Variants in SDCCAG8 observed in about 807,000 individuals in gnomAD.
The protein encoded by SDCCAG8 is serologically defined colon cancer antigen 8.
In SDCCAG8, 74 loss-of-function variants were observed where a neutral mutation model predicts 101.8. The observed-to-expected ratio is 0.73, with a 90% CI of 0.60 to 0.88. The LOEUF is 0.88. Among genes scored for constraint, SDCCAG8 ranks in the 40% least tolerant of loss-of-function variants. The pLI, the probability that SDCCAG8 is intolerant of heterozygous loss-of-function variation, is 0.00. For synonymous variants in SDCCAG8, 281 were observed against 292.9 expected (o/e 0.96, Z 0.41); for missense variants, 787 against 822.6 (o/e 0.96, Z 0.53).
intron 9 of SDCCAG8, among the ~76,000 whole-genome samples, chr1:243,322,946 C>T (rs540993473): frequency 1.3e-4 from 20 of 151,858 alleles, no homozygotes; most frequent in Non-Finnish European, 2.4e-4. Flanking sequence ...ACCATCCTGG[C>T]CAATGTGGTG....
chr1:243,350,214 T>C (rs1288544430), intron 12 of SDCCAG8, among the ~76,000 whole-genome samples: 1 of 151,972 alleles, frequency 6.6e-6, no homozygotes, highest in African/African-American at 2.4e-5. Context: ...CTTTTTTCTT[T>C]CTTTTTTTTT....
chr1:243,394,016 A>G (rs1228967414), intron 13 of SDCCAG8, among the ~76,000 whole-genome samples: 3 of 152,198 alleles, frequency 2.0e-5, no homozygotes, highest in Non-Finnish European at 2.9e-5. Context: ...GAGAAAACTG[A>G]CCTGTTAAAA....
intron 9 of SDCCAG8, among the ~76,000 whole-genome samples, chr1:243,328,508 C>T (rs868276281): frequency 6.6e-6 from 1 of 151,772 alleles, no homozygotes; most frequent in Non-Finnish European, 1.5e-5. Context: ...ACCTCCTGAC[C>T]TCAAGCAATC....
chr1:243,288,964 G>A lies in SDCCAG8; in HGVS notation c.546+2567G>A, dbSNP rs369000688. 7.6e-4 allele frequency among the ~76,000 whole-genome samples: 113 copies of A among 149,092 alleles called. 1 individual carries two copies. The South Asian group carries it at 0.019, about 25-fold the overall frequency. On this transcript the variant is annotated intron_variant, in intron 5 of 17. Transcript: ENST00000366541. ...AGAGCTTGCAGTGAGCTGAGACTGC[G>A]CCACTGCACTCTGGCCTGGGCGACA...
intron 8 of SDCCAG8, among the ~76,000 whole-genome samples, chr1:243,312,397 T>G (rs2072815334): frequency 6.6e-6 from 1 of 152,180 alleles, no homozygotes; most frequent in African/African-American, 2.4e-5. Context: ...ATTTTGAATA[T>G]ATATTCATGA....
At chr1:243,476,872 G>A (rs1212394894) in intron 16 of SDCCAG8, among the ~76,000 whole-genome samples, 2 of 152,182 alleles carry the variant, frequency 1.3e-5, no homozygotes, top group African/African-American at 2.4e-5. Flanking sequence ...AGATCAATAT[G>A]AAATTGACTG....
intron 13 of SDCCAG8, among the ~76,000 whole-genome samples, chr1:243,401,817 T>G (rs1215612206): frequency 1.3e-5 from 2 of 152,336 alleles, no homozygotes; most frequent in East Asian, 3.9e-4. Context: ...TCTATCAGAA[T>G]TCTTCTCCTT....
At chr1:243,488,040 T>A (rs967119199) in intron 16 of SDCCAG8, among the ~76,000 whole-genome samples, 1 of 152,188 alleles carries the variant, frequency 6.6e-6, no homozygotes, top group Admixed American at 6.5e-5. Flanking sequence ...GTACCGACCA[T>A]CGCCGGGTTT....
intron 13 of SDCCAG8, among the ~76,000 whole-genome samples, chr1:243,411,248 G>A (rs987412781): frequency 2.0e-5 from 3 of 151,924 alleles, no homozygotes; most frequent in Non-Finnish European, 2.9e-5. Flanking sequence ...TTGAGTAGCT[G>A]GCACTACAGG....
At chr1:243,356,175 C>T (rs1039778816) in intron 12 of SDCCAG8, among the ~76,000 whole-genome samples, 8 of 152,212 alleles carry the variant, frequency 5.3e-5, no homozygotes, top group South Asian at 4.1e-4. Flanking sequence ...CACAGACTAA[C>T]GAATACATCA....
chr1:243,419,308 T>C (rs920683474), intron 15 of SDCCAG8, among the ~76,000 whole-genome samples: 1 of 152,090 alleles, frequency 6.6e-6, no homozygotes, highest in African/African-American at 2.4e-5. Flanking sequence ...GAAAACCAAA[T>C]GATTTTGTCA....
At chr1:243,389,314 A>C (rs2078550563) in intron 13 of SDCCAG8, among the ~76,000 whole-genome samples, 1 of 152,346 alleles carries the variant, frequency 6.6e-6, no homozygotes, top group Admixed American at 6.5e-5. Flanking sequence ...AAGAGGCATC[A>C]TCAGTTCTTC....
intron 12 of SDCCAG8, among the ~76,000 whole-genome samples, chr1:243,359,891 T>G (rs2076598352): frequency 2.0e-5 from 3 of 152,224 alleles, no homozygotes; most frequent in Admixed American, 2.0e-4. Flanking sequence ...GAATAACTCC[T>G]TTTATAATGA....
Position 243,474,613 on chromosome 1 carries a change from CG to C in SDCCAG8, c.1986-14399del, listed in dbSNP as rs1269545651. On this transcript the variant is annotated intron_variant, in intron 16 of 17. Transcript: ENST00000366541. The surrounding 1 kb of genome is among the most constrained non-coding windows in gnomAD (Gnocchi z 4.7). ...GGTGTCTCCTGCCTGGAGCGCTCCG[CG>C]GTGGCCCGAGAGCAGGTGCTGGCGT... Among the ~76,000 whole-genome samples, 2 of 152,250 alleles carry C rather than the reference CG, an allele frequency of 1.3e-5. No homozygotes were observed. The highest frequency in any genetic ancestry group is 2.4e-5 in the African/African-American group (1 of 41,474).
At chr1:243,382,420 GA>G (rs559895519) in intron 13 of SDCCAG8, among the ~76,000 whole-genome samples, 1 of 151,560 alleles carries the variant, frequency 6.6e-6, no homozygotes, top group South Asian at 2.1e-4. Flanking sequence ...TTAAGTGGAT[GA>G]AAAAAAGGGG....
At chr1:243,360,464 T>G (rs1282876507) in intron 12 of SDCCAG8, among the ~76,000 whole-genome samples, 1 of 151,994 alleles carries the variant, frequency 6.6e-6, no homozygotes, top group African/African-American at 2.4e-5. Context: ...CAACAGTCTC[T>G]TAACTGGGGC....
intron 13 of SDCCAG8, among the ~76,000 whole-genome samples, chr1:243,404,651 A>G (rs879080587): frequency 6.6e-6 from 1 of 152,142 alleles, no homozygotes; most frequent in Non-Finnish European, 1.5e-5. Context: ...GTGTGCAAAG[A>G]CGGAGAGGTT....
chr1:243,472,365 C>A (rs942577271), intron 16 of SDCCAG8, among the ~76,000 whole-genome samples: 2 of 152,116 alleles, frequency 1.3e-5, no homozygotes, highest in African/African-American at 4.8e-5. Context: ...CTGGTCAGTA[C>A]CTGGTGGGCA....
At chr1:243,390,403 A>G (rs1054970171) in intron 13 of SDCCAG8, among the ~76,000 whole-genome samples, 1 of 152,224 alleles carries the variant, frequency 6.6e-6, no homozygotes, top group African/African-American at 2.4e-5. Context: ...AAGCCAGAAA[A>G]GAAAAGGCAT....
Sources: gnomAD v4.1 joint callset for allele counts (sites outside exome capture counted in the v4.1 genomes callset) on GRCh38, gnomAD v4.1.1 for gene constraint, Gnocchi (gnomAD v3.1) non-coding constraint, MANE v1.5 for transcripts, NCBI Gene and HGNC (gene_info 2026-07-23, HGNC 2026-07-21) for gene names.